Variants in ATP8A1 observed in about 807,000 individuals in gnomAD.
The protein encoded by ATP8A1 is phospholipid-transporting ATPase IA.
ATP8A1 carries 90 observed loss-of-function variants against 177.7 expected under a neutral mutation model. That is an observed-to-expected ratio of 0.51 (90% CI 0.43 to 0.60). The LOEUF (loss-of-function observed/expected upper bound fraction) is 0.60, where lower values mean the gene tolerates loss of function less well. Among genes scored for constraint, ATP8A1 ranks in the 20% least tolerant of loss-of-function variants. The pLI, the probability that ATP8A1 is intolerant of heterozygous loss-of-function variation, is 0.00. For synonymous variants in ATP8A1, 493 were observed against 485.9 expected, an observed-to-expected ratio of 1.01 and a Z score of -0.19; for missense variants, 1,072 against 1,392.8, an observed-to-expected ratio of 0.77 and a Z score of 3.67.
At chr4:42,499,957 T>TA (rs1723682524) in intron 24 of ATP8A1, among the ~76,000 whole-genome samples, 1 of 152,234 alleles carries the variant, frequency 6.6e-6, no homozygotes, top group African/African-American at 2.4e-5. Context: ...TATAAGGGTT[T>TA]ATCATTAATT....
chr4:42,608,139 A>C lies in ATP8A1; in HGVS notation c.410-7621T>G, dbSNP rs1162126447. Among the ~76,000 whole-genome samples, 5 of 152,208 alleles carry C rather than the reference A, an allele frequency of 3.3e-5. No homozygotes were observed. The East Asian group carries it at 9.6e-4, about 29-fold the overall frequency. ...ATAGGTTTCTTTTTTGAATGAAAAC[A>C]TTCTGTTAGAGAACATTCGGGATTC... is the stretch of plus-strand genomic sequence containing the variant. On this transcript the variant is annotated intron_variant, in intron 5 of 36. Coordinates refer to ENST00000381668, the MANE Select transcript of ATP8A1 (RefSeq NM_006095.2).
chr4:42,413,045 C>T, intron 36 of ATP8A1, 32 bp from the exon 37 acceptor site: 1 of 1,584,836 alleles, frequency 6.3e-7, no homozygotes, highest in Non-Finnish European at 8.7e-7. Context: ...GAAATTCTCA[C>T]AAAGGCACTG....
chr4:42,610,655 T>C (rs1280170456), intron 5 of ATP8A1, among the ~76,000 whole-genome samples: 3 of 152,040 alleles, frequency 2.0e-5, no homozygotes, highest in Non-Finnish European at 4.4e-5. Flanking sequence ...CATCCAGAGC[T>C]ACTGCTGAAG....
intron 33 of ATP8A1, among the ~76,000 whole-genome samples, chr4:42,427,735 G>T (rs1338108392): frequency 6.6e-6 from 1 of 152,254 alleles, no homozygotes; most frequent in East Asian, 1.9e-4. Context: ...CATGGCCAGA[G>T]ATTTAGTAAA....
chr4:42,639,028 AT>A (rs1739667796), intron 1 of ATP8A1, among the ~76,000 whole-genome samples: 1 of 152,136 alleles, frequency 6.6e-6, no homozygotes, highest in Non-Finnish European at 1.5e-5. Flanking sequence ...TGTATTCTGG[AT>A]TTCAGGAGGG....
intron 5 of ATP8A1, among the ~76,000 whole-genome samples, chr4:42,601,496 G>A (rs937615776): frequency 2.6e-5 from 4 of 151,228 alleles, no homozygotes; most frequent in Non-Finnish European, 5.9e-5. Flanking sequence ...TTCCTGTGAT[G>A]TTGTCTGTGC....
chr4:42,455,702 AT>A, intron 27 of ATP8A1, 103 bp from the exon 28 acceptor site: 1 of 966,584 alleles, frequency 1.0e-6, no homozygotes, highest in East Asian at 2.6e-5. Context: ...CAGCATTAAC[AT>A]ATTATACTCA....
chr4:42,522,768 A>T (rs895686286), intron 21 of ATP8A1, among the ~76,000 whole-genome samples: 2 of 152,176 alleles, frequency 1.3e-5, no homozygotes, highest in African/African-American at 2.4e-5. Context: ...TCTGCCTTGC[A>T]AGCAGTTTAA....
intron 34 of ATP8A1, among the ~76,000 whole-genome samples, chr4:42,423,262 AT>A (rs1714200766): frequency 6.6e-6 from 1 of 152,088 alleles, no homozygotes; most frequent in African/African-American, 2.4e-5. Context: ...TATGTTTGGA[AT>A]CAGGCAAGCA....
chr4:42,599,324 A>G (rs1735020715), intron 6 of ATP8A1, among the ~76,000 whole-genome samples: 3 of 152,186 alleles, frequency 2.0e-5, no homozygotes, highest in African/African-American at 7.2e-5. Flanking sequence ...AAAATGTTTA[A>G]TTCCATAGGT....
intron 33 of ATP8A1, among the ~76,000 whole-genome samples, chr4:42,440,955 A>T (rs1441768311): frequency 1.3e-5 from 2 of 152,130 alleles, no homozygotes; most frequent in Non-Finnish European, 2.9e-5. Flanking sequence ...ATTGCTGCCA[A>T]ATCAACACAG....
At chr4:42,454,978 C>T (rs1718322317) in intron 29 of ATP8A1, among the ~76,000 whole-genome samples, 1 of 152,170 alleles carries the variant, frequency 6.6e-6, no homozygotes, top group Non-Finnish European at 1.5e-5. Context: ...CACCACAACA[C>T]TGCAAAGACA....
intron 25 of ATP8A1, among the ~76,000 whole-genome samples, chr4:42,470,151 A>G (rs1259030337): frequency 6.6e-6 from 1 of 152,236 alleles, no homozygotes; most frequent in Admixed American, 6.5e-5. Flanking sequence ...TGTGTACTGT[A>G]AACGTCCCTT....
intron 1 of ATP8A1, among the ~76,000 whole-genome samples, chr4:42,627,521 T>C (rs1302915039): frequency 6.6e-6 from 1 of 152,250 alleles, no homozygotes; most frequent in Non-Finnish European, 1.5e-5. Context: ...TCTGGGTTTT[T>C]TCCCAGATGA....
chr4:42,602,433 C>T (rs1182666761), intron 5 of ATP8A1, among the ~76,000 whole-genome samples: 1 of 152,154 alleles, frequency 6.6e-6, no homozygotes, highest in African/African-American at 2.4e-5. Context: ...CAGAGTCCAA[C>T]AGTATGTTCC....
intron 22 of ATP8A1, among the ~76,000 whole-genome samples, chr4:42,507,803 A>AAC (rs1302165324): frequency 3.4e-5 from 5 of 146,670 alleles, no homozygotes; most frequent in Non-Finnish European, 7.6e-5. Context: ...AAAAAAAAAA[A>AAC]AAAAAACATA....
intron 15 of ATP8A1, among the ~76,000 whole-genome samples, chr4:42,563,281 T>A (rs553073580): frequency 1.6e-4 from 24 of 152,244 alleles, no homozygotes; most frequent in Non-Finnish European, 3.5e-4. Flanking sequence ...ATTTTGCCCC[T>A]GCCCTAGAGA....
At chr4:42,607,632 GTTT>G (rs34714525) in intron 5 of ATP8A1, among the ~76,000 whole-genome samples, 1 of 146,864 alleles carries the variant, frequency 6.8e-6, no homozygotes, top group Non-Finnish European at 1.5e-5. Context: ...GATTCTACAG[GTTT>G]TTTTTTTTTT....
At chr4:42,540,647 C>T (rs118184222) in intron 20 of ATP8A1, among the ~76,000 whole-genome samples, 1 of 151,588 alleles carries the variant, frequency 6.6e-6, no homozygotes, top group East Asian at 1.9e-4. Context: ...GTAGATGAAA[C>T]TGGAGGTCAT....
Sources: allele counts gnomAD v4.1 joint callset (sites outside exome capture counted in the v4.1 genomes callset), GRCh38; gene constraint gnomAD v4.1.1; transcripts MANE v1.5; gene names NCBI Gene and HGNC (gene_info 2026-07-23, HGNC 2026-07-21).